IMMP2L: variants seen among roughly 807,000 people sequenced by gnomAD.
IMMP2L encodes the protein mitochondrial inner membrane protease subunit 2.
A neutral mutation model predicts 19.3 loss-of-function variants in IMMP2L; 18 were observed. That is an observed-to-expected ratio of 0.93 (90% confidence interval 0.64 to 1.38). The LOEUF is 1.38. IMMP2L is among the 40% of genes most tolerant of loss of function. The pLI, the probability that IMMP2L is intolerant of heterozygous loss-of-function variation, is 0.00. For synonymous variants in IMMP2L, 76 were observed against 73.0 expected (o/e 1.04, Z -0.21); for missense variants, 233 against 218.2 (o/e 1.07, Z -0.43).
intron 3 of IMMP2L, among the ~76,000 whole-genome samples, chr7:111,319,860 T>A (rs1584607129): frequency 6.6e-6 from 1 of 152,038 alleles, no homozygotes. Context: ...TAATAGTTAA[T>A]ATTTCGGCTG....
intron 5 of IMMP2L, among the ~76,000 whole-genome samples, chr7:110,833,871 T>C (rs1268928959): frequency 2.0e-5 from 3 of 152,200 alleles, no homozygotes; most frequent in Admixed American, 6.5e-5. Flanking sequence ...TGTACCATTC[T>C]CTTTGGTTTA....
chr7:111,026,789 G>T (rs1288806413), intron 3 of IMMP2L, among the ~76,000 whole-genome samples: 1 of 152,138 alleles, frequency 6.6e-6, no homozygotes, highest in Non-Finnish European at 1.5e-5. Context: ...CTTTTGGCAT[G>T]CTGTTAGTTT....
intron 3 of IMMP2L, among the ~76,000 whole-genome samples, chr7:111,090,700 T>C (rs1796768655): frequency 6.6e-6 from 1 of 151,874 alleles, no homozygotes. Flanking sequence ...CTCAAAACAG[T>C]TGCAAGCTTC....
chr7:111,476,645 T>C (rs1258804877), intron 3 of IMMP2L, among the ~76,000 whole-genome samples: 1 of 152,164 alleles, frequency 6.6e-6, no homozygotes, highest in African/African-American at 2.4e-5. Flanking sequence ...CTCATTAAGT[T>C]GTTGGCAAAA....
At position 110,824,815 on chromosome 7, in the gene IMMP2L, T is replaced by C. The variant is rs776063102; in HGVS notation, c.408+61778A>G. Among the ~76,000 whole-genome samples, 78 of 152,300 alleles carry C rather than the reference T, an allele frequency of 5.1e-4. No individual in the cohort carries two copies. In the Middle Eastern group the frequency reaches 0.014, roughly 27 times the overall value. ...ACTTCCAAAATGTAAAAGTGATTTATATATACTTCCCATTTTATCACACCA... is the reference window on the plus strand; with the variant it reads ...ACTTCCAAAATGTAAAAGTGATTTACATATACTTCCCATTTTATCACACCA... On this transcript the variant is annotated intron_variant, in intron 5 of 5. Coordinates refer to ENST00000405709, the MANE Select transcript of IMMP2L (RefSeq NM_032549.4).
rs1232422368 is a variant in IMMP2L at position 111,455,719 on chromosome 7, T to C, written c.239+31519A>G. On this transcript the variant is annotated intron_variant, in intron 3 of 5. Transcript: ENST00000405709. ...CCACTGTTCTGCCCCATGCCTCTCA[T>C]GTAGATAGATGAGTATATATTACTT... 5.1e-5 allele frequency among the ~76,000 whole-genome samples: 6 copies of C among 118,784 alleles called. No individual in the cohort carries two copies. In the South Asian group the frequency reaches 2.0e-3, roughly 39 times the overall value. 77.9% of individuals were successfully genotyped at this position (118,784 alleles called of 152,430 possible).
intron 1 of IMMP2L, among the ~76,000 whole-genome samples, chr7:111,528,779 G>A (rs6967079): frequency 0.02 from 3,039 of 152,238 alleles, 105 homozygotes; most frequent in African/African-American, 0.069. Flanking sequence ...TTGAAGGTAA[G>A]AGGAAAATAA....
intron 4 of IMMP2L, among the ~76,000 whole-genome samples, chr7:110,934,813 T>C (rs772266934): frequency 5.9e-5 from 9 of 152,240 alleles, no homozygotes; most frequent in Non-Finnish European, 1.3e-4. Context: ...GAGACCAGGA[T>C]TGCAACCACT....
At chr7:111,285,659 T>G (rs747928624) in intron 3 of IMMP2L, among the ~76,000 whole-genome samples, 31 of 152,102 alleles carry the variant, frequency 2.0e-4, no homozygotes, top group Non-Finnish European at 3.1e-4. Flanking sequence ...CCCTCACCAA[T>G]CAGAATTCAT....
At chr7:111,558,075 T>A (rs1791585877) in intron 1 of IMMP2L, among the ~76,000 whole-genome samples, 1 of 152,006 alleles carries the variant, frequency 6.6e-6, no homozygotes, top group African/African-American at 2.4e-5. Flanking sequence ...ATTATTGGAC[T>A]AAGTAGACAT....
intron 5 of IMMP2L, among the ~76,000 whole-genome samples, chr7:110,698,840 C>G (rs1227032400): frequency 6.6e-6 from 1 of 152,186 alleles, no homozygotes; most frequent in African/African-American, 2.4e-5. Context: ...TATTAAAGTA[C>G]AGAAAGACAT....
chr7:111,073,539 C>A (rs1210016551), intron 3 of IMMP2L, among the ~76,000 whole-genome samples: 1 of 152,136 alleles, frequency 6.6e-6, no homozygotes, highest in African/African-American at 2.4e-5. Flanking sequence ...CTCTTCCTGG[C>A]CATTTTCCTC....
chr7:110,987,981 GAA>G (rs1822035556), intron 3 of IMMP2L, among the ~76,000 whole-genome samples: 1 of 152,122 alleles, frequency 6.6e-6, no homozygotes. Flanking sequence ...GTGAAAGAGA[GAA>G]TGTTAGAAAA....
At chr7:111,297,136 T>C (rs956492656) in intron 3 of IMMP2L, among the ~76,000 whole-genome samples, 1 of 152,014 alleles carries the variant, frequency 6.6e-6, no homozygotes, top group African/African-American at 2.4e-5. Flanking sequence ...TGCATCTTGA[T>C]TATGGTGGTG....
rs564563178 is a variant in IMMP2L, at chr7:110,981,018, G to A, written c.240-17453C>T. Among the ~76,000 whole-genome samples the A allele has an allele frequency of 2.2e-3, 339 of 152,246 alleles. 1 individual carries two copies. The highest frequency in any genetic ancestry group is 0.01 in the Middle Eastern group (3 of 294). On this transcript the variant is annotated intron_variant, in intron 3 of 5. Coordinates refer to ENST00000405709, the MANE Select transcript of IMMP2L (RefSeq NM_032549.4). ...TTTAAGCAATAAAATCTTCCAAAAA[G>A]AGACCTCAGTAAAGTACACTATTAT...
chr7:110,696,513 G>A (rs1793900187), intron 5 of IMMP2L, among the ~76,000 whole-genome samples: 1 of 146,142 alleles, frequency 6.8e-6, no homozygotes, highest in Non-Finnish European at 1.5e-5. Context: ...CGCAATCTCG[G>A]CCTCCCAGGT....
intron 3 of IMMP2L, among the ~76,000 whole-genome samples, chr7:111,336,045 A>T (rs1029624564): frequency 6.6e-6 from 1 of 151,856 alleles, no homozygotes; most frequent in Non-Finnish European, 1.5e-5. Context: ...ACTTAATTTC[A>T]TCTTAAGTTT....
intron 3 of IMMP2L, among the ~76,000 whole-genome samples, chr7:110,996,505 G>A (rs1445451684): frequency 6.6e-6 from 1 of 152,090 alleles, no homozygotes; most frequent in Non-Finnish European, 1.5e-5. Context: ...ATGTTAGCTT[G>A]CTTTATTGTC....
intron 5 of IMMP2L, among the ~76,000 whole-genome samples, chr7:110,839,772 ATAAT>A (rs756573860): frequency 2.2e-4 from 33 of 152,290 alleles, no homozygotes; most frequent in South Asian, 1.7e-3. Flanking sequence ...AATCAATTAA[ATAAT>A]TAATTGATTA....
Sources: allele counts gnomAD v4.1 joint callset (sites outside exome capture counted in the v4.1 genomes callset), GRCh38; gene constraint gnomAD v4.1.1; transcripts MANE v1.5; gene names NCBI Gene and HGNC (gene_info 2026-07-23, HGNC 2026-07-21).